The following IL1R1 variants were observed in gnomAD, a reference collection of about 807,000 sequenced individuals.
IL1R1 encodes the protein interleukin 1 receptor type 1, also known as interleukin-1 receptor type 1.
In IL1R1, 22 loss-of-function variants were observed where a neutral mutation model predicts 50.2. The ratio of observed to expected loss-of-function variants is 0.44; its 90% CI spans 0.31 to 0.63. IL1R1 has a LOEUF of 0.63. Among genes scored for constraint, IL1R1 ranks in the 20% least tolerant of loss-of-function variants. The pLI is 0.07. For missense variants in IL1R1, 509 were observed against 676.2 expected (o/e 0.75, Z 2.74); for synonymous variants, 251 against 236.7 (o/e 1.06, Z -0.55).
upstream of IL1R1, among the ~76,000 whole-genome samples, chr2:102,101,254 G>GT (rs1054995662): frequency 4.6e-5 from 7 of 152,268 alleles, no homozygotes; most frequent in East Asian, 1.9e-4. Flanking sequence ...GTTTTGTTTT[G>GT]TTTTTTCAGA....
At chr2:102,135,526 A>G (rs1682297005) in intron 1 of IL1R1, among the ~76,000 whole-genome samples, 1 of 152,242 alleles carries the variant, frequency 6.6e-6, no homozygotes, top group Admixed American at 6.5e-5. Context: ...TGAGAATCTA[A>G]TATACAGAGG....
upstream of IL1R1, among the ~76,000 whole-genome samples, chr2:102,103,427 C>G (rs1172774223): frequency 6.6e-6 from 1 of 152,156 alleles, no homozygotes; most frequent in Non-Finnish European, 1.5e-5. Context: ...AGAATTGAGG[C>G]TGCAGAGCAT....
upstream of IL1R1, chr2:102,104,460 A>T (rs1199966592): frequency 6.6e-6 from 1 of 152,340 alleles, no homozygotes; most frequent in Non-Finnish European, 1.5e-5. Flanking sequence ...GTTACCGTGC[A>T]GTGGCGGGTG....
At chr2:102,176,259 CA>C (rs771761808) in intron 11 of IL1R1, 93 bp from the exon 12 acceptor site, 39 of 997,184 alleles carry the variant, frequency 3.9e-5, no homozygotes, top group Non-Finnish European at 5.6e-5. Flanking sequence ...CATTAGGAGC[CA>C]TACGGTTGTG....
intron 1 of IL1R1, among the ~76,000 whole-genome samples, chr2:102,085,541 G>A (rs1289334244): frequency 6.6e-6 from 1 of 151,936 alleles, no homozygotes; most frequent in African/African-American, 2.4e-5. Context: ...GTGTGTATGA[G>A]TCTTTTTCTG....
At chr2:102,084,535 G>A (rs1679356629) in intron 1 of IL1R1, among the ~76,000 whole-genome samples, 1 of 152,104 alleles carries the variant, frequency 6.6e-6, no homozygotes, top group Admixed American at 6.5e-5. Context: ...TTTAAATGAA[G>A]TATAATGCAT....
At chr2:102,072,406 A>G (rs760311862) in intron 1 of IL1R1, among the ~76,000 whole-genome samples, 5 of 152,194 alleles carry the variant, frequency 3.3e-5, no homozygotes, top group Non-Finnish European at 7.3e-5. Context: ...TTATCCTCCA[A>G]AACAGATTTT....
intron 5 of IL1R1, among the ~76,000 whole-genome samples, chr2:102,165,610 C>G (rs1685117105): frequency 6.6e-6 from 1 of 152,088 alleles, no homozygotes. Context: ...CTATTTATTA[C>G]AAAACATACT....
At chr2:102,145,218 C>T (rs1322053919) in intron 1 of IL1R1, among the ~76,000 whole-genome samples, 1 of 152,154 alleles carries the variant, frequency 6.6e-6, no homozygotes, top group South Asian at 2.1e-4. Flanking sequence ...AGGATGCTAC[C>T]CATCTGTTGC....
chr2:102,164,785 G>A lies in IL1R1; in HGVS notation c.73G>A (p.Glu25Lys). 1 of 1,612,444 alleles carries A rather than the reference G, an allele frequency of 6.2e-7. No individual in the cohort carries two copies. The highest frequency in any genetic ancestry group is 8.5e-7 in the Non-Finnish European group (1 of 1,178,930). The change falls in exon 4 of 12, where the codon GAA becomes AAA. Residue 25 changes from glutamate (E) to lysine (K), a missense_variant. Coordinates refer to ENST00000410023, the MANE Select transcript of IL1R1 (RefSeq NM_000877.4). ...ISSLEADKCKEREEKIILVSS... is the reference protein window; with the variant it reads ...ISSLEADKCKKREEKIILVSS... ...TCTTCCTTTTAAAGATAAATGCAAG[G>A]AACGTGAAGAAAAAATAATTTTAGT...
intron 1 of IL1R1, among the ~76,000 whole-genome samples, chr2:102,120,406 T>C (rs1271867183): frequency 6.6e-6 from 1 of 152,174 alleles, no homozygotes; most frequent in African/African-American, 2.4e-5. Flanking sequence ...GTGTGCATTG[T>C]GTGCACGTGC....
At chr2:102,073,786 T>C (rs1199421601) in intron 1 of IL1R1, among the ~76,000 whole-genome samples, 1 of 151,972 alleles carries the variant, frequency 6.6e-6, no homozygotes, top group Non-Finnish European at 1.5e-5. Context: ...GGTCAACAAA[T>C]CTCTAAGCTC....
chr2:102,080,802 C>G (rs1209370870), intron 1 of IL1R1, among the ~76,000 whole-genome samples: 1 of 152,084 alleles, frequency 6.6e-6, no homozygotes, highest in East Asian at 1.9e-4. Context: ...TAGAAACAAC[C>G]CAAATGTCCA....
chr2:102,170,722 A>C (rs1685596257), intron 7 of IL1R1, among the ~76,000 whole-genome samples: 1 of 152,222 alleles, frequency 6.6e-6, no homozygotes, highest in Admixed American at 6.5e-5. Context: ...AAAAAACTAA[A>C]AAAACCAAAA....
rs999953250 is a variant in IL1R1 at position 102,142,840 on chromosome 2, G to C, written c.-264G>C. The C allele has an allele frequency of 4.7e-5, 7 of 148,848 alleles. No individual in the cohort carries two copies. The highest frequency in any genetic ancestry group is 1.7e-4 in the African/African-American group (7 of 41,160). 9.2% of individuals were successfully genotyped at this position (148,848 alleles called of 1,614,324 possible). ...GGCCGGGAGGAGCCGGAGAGCGGCC[G>C]GGCCGGGCGGTGGGGGCGCCGGCCT... is the stretch of plus-strand genomic sequence containing the variant. On this transcript the variant is annotated 5_prime_UTR_variant, in exon 1 of 12. Transcript: ENST00000410023.
At chr2:102,108,301 T>A (rs1455349930) in intron 1 of IL1R1, among the ~76,000 whole-genome samples, 1 of 151,968 alleles carries the variant, frequency 6.6e-6, no homozygotes, top group Non-Finnish European at 1.5e-5. Flanking sequence ...AGTAGCAGTG[T>A]TTAGTGTGTT....
intron 1 of IL1R1, among the ~76,000 whole-genome samples, chr2:102,143,501 A>G (rs535210906): frequency 3.9e-5 from 6 of 152,272 alleles, no homozygotes; most frequent in African/African-American, 1.4e-4. Flanking sequence ...GACACTCATT[A>G]TTTACAACAG....
chr2:102,078,445 GC>G (rs925294093), intron 1 of IL1R1, among the ~76,000 whole-genome samples: 2 of 151,842 alleles, frequency 1.3e-5, no homozygotes, highest in African/African-American at 4.8e-5. Context: ...TAATTAAAAA[GC>G]CTAGTTGAAA....
intron 1 of IL1R1, among the ~76,000 whole-genome samples, chr2:102,074,802 C>T (rs1463646216): frequency 6.6e-6 from 1 of 152,286 alleles, no homozygotes; most frequent in African/African-American, 2.4e-5. Flanking sequence ...TCATTTAAAA[C>T]ATGGTCTGCT....
Sources: allele counts gnomAD v4.1 joint callset (sites outside exome capture counted in the v4.1 genomes callset), GRCh38; gene constraint gnomAD v4.1.1; transcripts MANE v1.5; gene names NCBI Gene and HGNC (gene_info 2026-07-23, HGNC 2026-07-21).